The following LUZP2 variants were observed in gnomAD, a reference collection of about 807,000 sequenced individuals.
LUZP2 encodes the protein leucine zipper protein 2.
A neutral mutation model predicts 51.6 loss-of-function variants in LUZP2; 52 were observed. The observed-to-expected ratio is 1.01, with a 90% confidence interval of 0.81 to 1.27. The LOEUF is 1.27. Ranked by LOEUF, LUZP2 falls within the 50% of genes most tolerant of loss-of-function variation. The pLI, the probability that LUZP2 is intolerant of heterozygous loss-of-function variation, is 0.00. For missense variants in LUZP2, 436 were observed against 395.4 expected (o/e 1.10, Z -0.87); for synonymous variants, 154 against 137.3 (o/e 1.12, Z -0.85).
rs1477701544 is a variant in LUZP2 at position 24,716,827 on chromosome 11, C to T, written c.63-12342C>T. Among the ~76,000 whole-genome samples, 7 of 152,022 alleles carry T rather than the reference C, an allele frequency of 4.6e-5. No individual in the cohort carries two copies. The South Asian group carries it at 6.2e-4, about 14-fold the overall frequency. On this transcript the variant is annotated intron_variant, in intron 1 of 11. Coordinates refer to ENST00000336930, the MANE Select transcript of LUZP2 (RefSeq NM_001009909.4). ...AGGAGAATCTCTTGAACTCAGGAGG[C>T]GGAGTTTGCAGTGAGCCGACATTGC...
intron 5 of LUZP2, among the ~76,000 whole-genome samples, chr11:24,867,351 G>A (rs10767263): frequency 0.16 from 24,033 of 152,096 alleles, 2,085 homozygotes; most frequent in African/African-American, 0.22. Flanking sequence ...TCCTTTCACA[G>A]CATTTCAAAA....
intron 5 of LUZP2, among the ~76,000 whole-genome samples, chr11:24,870,288 T>C (rs1016788870): frequency 4.6e-5 from 7 of 152,152 alleles, no homozygotes; most frequent in African/African-American, 1.7e-4. Flanking sequence ...AATCATACAA[T>C]TTTTGCCAGA....
intron 1 of LUZP2, among the ~76,000 whole-genome samples, chr11:24,713,851 G>C (rs967410060): frequency 1.6e-4 from 20 of 122,134 alleles, no homozygotes; most frequent in Non-Finnish European, 3.0e-4. Context: ...ACCATGCCTG[G>C]CCATTTTTTT....
chr11:24,780,263 T>A (rs1849050864), intron 5 of LUZP2, among the ~76,000 whole-genome samples: 1 of 152,110 alleles, frequency 6.6e-6, no homozygotes, highest in South Asian at 2.1e-4. Context: ...GCATTCCCCT[T>A]TGACCATTGG....
intron 5 of LUZP2, among the ~76,000 whole-genome samples, chr11:24,764,504 A>AAAAAAAAAAAAAAAAAAAAAAC (rs1860110390): frequency 6.7e-6 from 1 of 149,238 alleles, no homozygotes; most frequent in Admixed American, 6.7e-5. Context: ...AAAAAAAAAA[A>AAAAAAAAAAAAAAAAAAAAAAC]AAAAAAAAAA....
intron 1 of LUZP2, among the ~76,000 whole-genome samples, chr11:24,522,843 AAGTAGTC>A (rs1159900266): frequency 1.3e-5 from 2 of 152,096 alleles, no homozygotes; most frequent in African/African-American, 4.8e-5. Flanking sequence ...TTACGATTTG[AAGTAGTC>A]AGTAAAGACC....
chr11:24,621,355 C>T (rs967291268), intron 1 of LUZP2, among the ~76,000 whole-genome samples: 1 of 152,186 alleles, frequency 6.6e-6, no homozygotes. Context: ...GACTTTAAAG[C>T]CCTATGCTTG....
At chr11:25,043,298 G>A (rs1449351486) in intron 9 of LUZP2, among the ~76,000 whole-genome samples, 1 of 151,980 alleles carries the variant, frequency 6.6e-6, no homozygotes, top group Non-Finnish European at 1.5e-5. Flanking sequence ...CATATCTTTT[G>A]GGGACCTCCA....
chr11:24,943,141 A>C (rs1854800750), intron 7 of LUZP2, among the ~76,000 whole-genome samples: 1 of 152,132 alleles, frequency 6.6e-6, no homozygotes, highest in African/African-American at 2.4e-5. Flanking sequence ...TCAGGACATT[A>C]TTTAAGCACT....
chr11:24,976,706 CAAAAA>C (rs57265111), intron 8 of LUZP2, 41 bp downstream of exon 8: 27,262 of 326,798 alleles, frequency 0.083, 8 homozygotes, highest in East Asian at 0.12. Context: ...GTAGTTTTAG[CAAAAA>C]AAAAAAAAAA....
chr11:24,986,974 AT>A (rs1361938564), intron 9 of LUZP2, among the ~76,000 whole-genome samples: 1 of 151,730 alleles, frequency 6.6e-6, no homozygotes, highest in East Asian at 1.9e-4. Context: ...CTTTTCTGCT[AT>A]TTTTTAATTT....
chr11:24,676,581 G>T (rs1856558609), intron 1 of LUZP2, among the ~76,000 whole-genome samples: 1 of 152,078 alleles, frequency 6.6e-6, no homozygotes, highest in Admixed American at 6.5e-5. Flanking sequence ...ATGCAGAAAT[G>T]GCACTAAACT....
chr11:24,901,519 T>C (rs1313588743), intron 5 of LUZP2, among the ~76,000 whole-genome samples: 1 of 152,100 alleles, frequency 6.6e-6, no homozygotes, highest in East Asian at 1.9e-4. Context: ...GGCAAACATT[T>C]CTTAGGGCAC....
intron 1 of LUZP2, among the ~76,000 whole-genome samples, chr11:24,566,545 T>C (rs1852226079): frequency 6.8e-6 from 1 of 147,048 alleles, no homozygotes; most frequent in Admixed American, 6.9e-5. Context: ...CACATATGTA[T>C]ATATATATGT....
intron 5 of LUZP2, among the ~76,000 whole-genome samples, chr11:24,904,880 T>A (rs991720590): frequency 2.0e-5 from 3 of 152,146 alleles, no homozygotes; most frequent in Non-Finnish European, 2.9e-5. Flanking sequence ...TTGTTTCACC[T>A]ATAAAGACAT....
intron 5 of LUZP2, among the ~76,000 whole-genome samples, chr11:24,834,848 G>A (rs1429310756): frequency 6.6e-6 from 1 of 152,148 alleles, no homozygotes; most frequent in Non-Finnish European, 1.5e-5. Context: ...GACCAGTGAC[G>A]ATGAACTTTT....
At chr11:24,614,705 C>T (rs1355165835) in intron 1 of LUZP2, among the ~76,000 whole-genome samples, 1 of 151,974 alleles carries the variant, frequency 6.6e-6, no homozygotes, top group Non-Finnish European at 1.5e-5. Context: ...GGACACATAG[C>T]TCAATCTTCT....
At chr11:24,540,778 T>G (rs1055065984) in intron 1 of LUZP2, among the ~76,000 whole-genome samples, 1 of 152,118 alleles carries the variant, frequency 6.6e-6, no homozygotes, top group African/African-American at 2.4e-5. Flanking sequence ...GCAGTATCTT[T>G]TATATGCTGA....
chr11:24,550,147 C>G (rs1851682154), intron 1 of LUZP2, among the ~76,000 whole-genome samples: 1 of 151,988 alleles, frequency 6.6e-6, no homozygotes, highest in African/African-American at 2.4e-5. Flanking sequence ...ACATGTCAAT[C>G]TCACTATAAT....
Sources: gnomAD v4.1 joint callset for allele counts (sites outside exome capture counted in the v4.1 genomes callset) on GRCh38, gnomAD v4.1.1 for gene constraint, MANE v1.5 for transcripts, NCBI Gene and HGNC (gene_info 2026-07-23, HGNC 2026-07-21) for gene names.